Variants in NRXN3 observed in about 807,000 individuals in gnomAD.
NRXN3 encodes neurexin 3.
NRXN3 carries 32 observed loss-of-function variants against 137.6 expected under a neutral mutation model. The ratio of observed to expected loss-of-function variants is 0.23; its 90% CI spans 0.18 to 0.31. The LOEUF (loss-of-function observed/expected upper bound fraction) is 0.31. NRXN3 is among the 10% of genes least tolerant of loss of function. The pLI, the probability that NRXN3 is intolerant of heterozygous loss-of-function variation, is 1.00. For synonymous variants in NRXN3, 798 were observed against 784.5 expected (o/e 1.02, Z -0.29); for missense variants, 1,574 against 2,062.5 (o/e 0.76, Z 4.59).
chr14:78,717,002 C>T (rs2098437037), intron 8 of NRXN3, among the ~76,000 whole-genome samples: 1 of 152,134 alleles, frequency 6.6e-6, no homozygotes, highest in Admixed American at 6.5e-5. Flanking sequence ...TACCCTGGTG[C>T]TGGTTGGGGA....
chr14:79,729,413 G>GA (rs1356781597), intron 19 of NRXN3, among the ~76,000 whole-genome samples: 4 of 152,156 alleles, frequency 2.6e-5, no homozygotes, highest in Non-Finnish European at 5.9e-5. Flanking sequence ...AAACAGGTGG[G>GA]ATCCATGTGA....
At chr14:78,547,882 T>C (rs2096651407) in intron 4 of NRXN3, among the ~76,000 whole-genome samples, 1 of 152,166 alleles carries the variant, frequency 6.6e-6, no homozygotes, top group Non-Finnish European at 1.5e-5. Context: ...AAAAATACAT[T>C]CATGTCATTA....
intron 8 of NRXN3, among the ~76,000 whole-genome samples, chr14:78,776,064 T>C (rs2098744009): frequency 6.6e-6 from 1 of 152,194 alleles, no homozygotes. Context: ...TCCACTTCAG[T>C]CACACACTCA....
rs115016731 is a variant in NRXN3, at chr14:79,602,268, A to T, written c.3445-61510A>T. On this transcript the variant is annotated intron_variant, in intron 16 of 20. Coordinates refer to ENST00000335750, the MANE Select transcript of NRXN3 (RefSeq NM_001330195.2). ...TGTGTTGTATATATGAAATTATGCC[A>T]TAATGAGCTGTCTCCTAACAAGATT... Among the ~76,000 whole-genome samples, 1,480 of 152,332 alleles carry T rather than the reference A, an allele frequency of 9.7e-3. 24 individuals are homozygous for T. Among genetic ancestry groups the T allele is most frequent in the African/African-American group, 0.034 (1,404 of 41,574 alleles).
Position 79,865,646 on chromosome 14 carries a change from C to G in NRXN3, c.*3682C>G, listed in dbSNP as rs2099417800. On this transcript the variant is annotated 3_prime_UTR_variant, in exon 21 of 21. Transcript: ENST00000335750. Reference sequence around the variant, plus strand: ...AGTTCTGTATTAGATGTTCTCCCATCATTTTTTGAGATGGAGTCTTGCAGC... The same window carrying G: ...AGTTCTGTATTAGATGTTCTCCCATGATTTTTTGAGATGGAGTCTTGCAGC... 6.6e-6 allele frequency: 1 copy of G among 151,868 alleles called. No homozygotes were observed. Among genetic ancestry groups the G allele is most frequent in the African/African-American group, 2.4e-5 (1 of 41,342 alleles). The allele number at this position is 151,868 out of a possible 1,614,324, so 9.4% of individuals were successfully genotyped here.
intron 15 of NRXN3, among the ~76,000 whole-genome samples, chr14:79,274,976 A>T (rs1220296604): frequency 2.0e-5 from 3 of 152,236 alleles, no homozygotes; most frequent in African/African-American, 7.2e-5. Flanking sequence ...TGTAGAAGTG[A>T]TGTCTAAAAG....
At chr14:79,522,067 G>A (rs2097070979) in intron 16 of NRXN3, among the ~76,000 whole-genome samples, 1 of 152,094 alleles carries the variant, frequency 6.6e-6, no homozygotes, top group Non-Finnish European at 1.5e-5. Context: ...AATCTCTAAT[G>A]GATGATCGTC....
rs567363497 is a variant in NRXN3 at position 78,830,476 on chromosome 14, A to C, written c.2275+20132A>C. Among the ~76,000 whole-genome samples, 244 of 152,286 alleles carry C rather than the reference A, an allele frequency of 1.6e-3. 2 individuals are homozygous for C. The Middle Eastern group carries it at 0.017, about 11-fold the overall frequency. ...AAATTTTAATTTGTCAGGAAAATGA[A>C]GAGTAAGAGATTACATTGTGTAACA... On this transcript the variant is annotated intron_variant, in intron 10 of 20. Coordinates refer to ENST00000335750, the MANE Select transcript of NRXN3 (RefSeq NM_001330195.2).
chr14:78,376,057 A>G (rs2087786618), intron 4 of NRXN3, among the ~76,000 whole-genome samples: 1 of 151,492 alleles, frequency 6.6e-6, no homozygotes, highest in Non-Finnish European at 1.5e-5. Flanking sequence ...TAAAGATAAT[A>G]TCATCTCTGC....
chr14:78,328,736 A>G (rs1159461875), intron 4 of NRXN3, among the ~76,000 whole-genome samples: 4 of 152,240 alleles, frequency 2.6e-5, no homozygotes, highest in African/African-American at 4.8e-5. Context: ...TGGAGATGCT[A>G]CAAGAGGAAG....
intron 14 of NRXN3, among the ~76,000 whole-genome samples, chr14:78,987,660 AT>A (rs577144023): frequency 1.2e-4 from 18 of 150,370 alleles, no homozygotes; most frequent in Middle Eastern, 3.4e-3. Flanking sequence ...CATGGGAATG[AT>A]TTTTTTTTTC....
At chr14:78,224,344 A>T (rs915047484) in intron 1 of NRXN3, among the ~76,000 whole-genome samples, 1 of 152,066 alleles carries the variant, frequency 6.6e-6, no homozygotes, top group African/African-American at 2.4e-5. Flanking sequence ...TTACATATGT[A>T]TACATGTGCC....
chr14:79,597,633 G>T (rs2097872590), intron 16 of NRXN3, among the ~76,000 whole-genome samples: 2 of 152,082 alleles, frequency 1.3e-5, no homozygotes, highest in African/African-American at 4.8e-5. Context: ...TGGATGCTTG[G>T]TCTCAACCAG....
chr14:79,019,733 G>A (rs1291545103), intron 15 of NRXN3, among the ~76,000 whole-genome samples: 2 of 152,120 alleles, frequency 1.3e-5, no homozygotes, highest in East Asian at 3.9e-4. Context: ...ATGCAGTTGA[G>A]AGGGCTGGGA....
At chr14:79,190,211 C>T (rs761383997) in intron 15 of NRXN3, among the ~76,000 whole-genome samples, 33 of 151,430 alleles carry the variant, frequency 2.2e-4, no homozygotes, top group Non-Finnish European at 4.0e-4. Flanking sequence ...ATAATCCTTA[C>T]GGAAATTTTT....
intron 4 of NRXN3, among the ~76,000 whole-genome samples, chr14:78,538,039 A>G (rs1385018134): frequency 6.6e-6 from 1 of 152,178 alleles, no homozygotes; most frequent in African/African-American, 2.4e-5. Flanking sequence ...GAAGTCAGGT[A>G]GCATGATGCT....
chr14:79,173,530 C>A (rs866097818), intron 15 of NRXN3, among the ~76,000 whole-genome samples: 312 of 90,862 alleles, frequency 3.4e-3, no homozygotes, highest in African/African-American at 9.1e-3. Flanking sequence ...GACCTTGTCT[C>A]AAAAAAAAAA....
At chr14:79,843,058 G>A (rs2099359516) in intron 20 of NRXN3, among the ~76,000 whole-genome samples, 1 of 152,058 alleles carries the variant, frequency 6.6e-6, no homozygotes, top group African/African-American at 2.4e-5. Context: ...GCAAATGGCA[G>A]GATCTCCTTA....
intron 15 of NRXN3, among the ~76,000 whole-genome samples, chr14:79,284,343 C>CACAT (rs1555354907): frequency 1.5e-5 from 1 of 65,086 alleles, no homozygotes; most frequent in Non-Finnish European, 2.9e-5. Flanking sequence ...ACTAAAAATA[C>CACAT]ATATATATAT....
Sources: gnomAD v4.1 joint callset for allele counts (sites outside exome capture counted in the v4.1 genomes callset) on GRCh38, gnomAD v4.1.1 for gene constraint, MANE v1.5 for transcripts, NCBI Gene and HGNC (gene_info 2026-07-23, HGNC 2026-07-21) for gene names.